The following TP53BP1 variants were observed in gnomAD, a reference collection of about 807,000 sequenced individuals.
TP53BP1 encodes the protein TP53-binding protein 1.
TP53BP1 carries 61 observed loss-of-function variants against 200.8 expected under a neutral mutation model. That is an observed-to-expected ratio of 0.30 (90% CI 0.25 to 0.38). TP53BP1 has a LOEUF of 0.38. Among genes scored for constraint, TP53BP1 ranks in the 10% least tolerant of loss-of-function variants. The probability of loss-of-function intolerance (pLI) is 1.00; values close to 1 mark genes in which losing one functional copy is unlikely to be tolerated. For missense variants in TP53BP1, 2,144 were observed against 2,371.9 expected, an observed-to-expected ratio of 0.90 and a Z score of 2.00; for synonymous variants, 822 against 844.3, an observed-to-expected ratio of 0.97 and a Z score of 0.46.
intron 7 of TP53BP1, among the ~76,000 whole-genome samples, 198 bp downstream of exon 7, chr15:43,479,199 C>G (rs2078926647): frequency 6.6e-6 from 1 of 152,112 alleles, no homozygotes; most frequent in South Asian, 2.1e-4. Context: ...TTCAAACAGA[C>G]AGACAGACAG....
Position 43,406,447 on chromosome 15 carries a change from G to A in TP53BP1, c.*936C>T, listed in dbSNP as rs2044883198. 2.8e-6 allele frequency: 1 copy of A among 352,324 alleles called. No homozygotes were observed. Among genetic ancestry groups the A allele is most frequent in the Non-Finnish European group, 5.6e-6 (1 of 177,518 alleles). The allele number at this position is 352,324 out of a possible 1,614,324, so 21.8% of individuals were successfully genotyped here. ...AGGAGCTGGCAAACTATGGCCTGCT[G>A]TCTGTTTTTGTACAGTTTTACTGAA... On this transcript the variant is annotated 3_prime_UTR_variant, in exon 28 of 28. Coordinates refer to ENST00000382044, the MANE Select transcript of TP53BP1 (RefSeq NM_001141980.3).
upstream of TP53BP1, among the ~76,000 whole-genome samples, chr15:43,496,037 A>T (rs1380807516): frequency 6.6e-6 from 1 of 152,022 alleles, no homozygotes; most frequent in Non-Finnish European, 1.5e-5. Context: ...GCCTTTATTG[A>T]CTCCTAGACT....
intron 11 of TP53BP1, among the ~76,000 whole-genome samples, chr15:43,463,821 A>G (rs1488887563): frequency 6.6e-6 from 1 of 152,256 alleles, no homozygotes; most frequent in South Asian, 2.1e-4. Flanking sequence ...GGCAGACAAG[A>G]GGCACAGTTA....
At chr15:43,413,368 T>A in intron 23 of TP53BP1, 34 bp from the exon 24 acceptor site, 1 of 1,577,792 alleles carries the variant, frequency 6.3e-7, no homozygotes, top group Non-Finnish European at 8.7e-7. Flanking sequence ...ACTAGAGGGA[T>A]ACACACCATT....
intron 1 of TP53BP1, among the ~76,000 whole-genome samples, chr15:43,502,882 A>G (rs991245673): frequency 1.3e-5 from 2 of 151,854 alleles, no homozygotes; most frequent in Non-Finnish European, 2.9e-5. Flanking sequence ...CCTCCCAAGT[A>G]GCTGGGATTA....
At chr15:43,482,469 C>T (rs766081680) in intron 4 of TP53BP1, among the ~76,000 whole-genome samples, 1 of 151,316 alleles carries the variant, frequency 6.6e-6, no homozygotes, top group Non-Finnish European at 1.5e-5. Context: ...CCCGTCTCTA[C>T]TAAAAATACA....
Position 43,469,962 on chromosome 15 carries a change from G to A in TP53BP1, c.1285C>T (p.Pro429Ser). 6.2e-7 allele frequency: 1 copy of A among 1,614,012 alleles called. No individual in the cohort carries two copies. Among genetic ancestry groups the A allele is most frequent in the African/African-American group, 1.3e-5 (1 of 75,038 alleles). Residue 429 changes from proline (P) to serine (S), a missense_variant, in exon 11 of 28, where the codon CCT becomes TCT. Transcript: ENST00000382044. ...GCTTGTGGTGATACAGTGGACTCAG[G>A]CAGGAGAGGGGGGTTTTCTAACTCC... ...PVELENPPLL[P>S]ESTVSPQAST...
chr15:43,430,958 G>A (rs2045654638), intron 17 of TP53BP1, among the ~76,000 whole-genome samples: 1 of 151,924 alleles, frequency 6.6e-6, no homozygotes, highest in African/African-American at 2.4e-5. Context: ...TATTCAGATT[G>A]CCGGCATCAC....
intron 4 of TP53BP1, among the ~76,000 whole-genome samples, chr15:43,481,976 C>T (rs2078976000): frequency 6.6e-6 from 1 of 152,042 alleles, no homozygotes; most frequent in South Asian, 2.1e-4. Context: ...GCCTGTAATC[C>T]CAGCACTTTG....
chr15:43,448,905 T>A (rs1380401201), intron 12 of TP53BP1, among the ~76,000 whole-genome samples: 1 of 152,036 alleles, frequency 6.6e-6, no homozygotes, highest in African/African-American at 2.4e-5. Flanking sequence ...GGCGGATGGA[T>A]CACTTGAGGT....
chr15:43,502,845 T>A (rs1360354734), intron 1 of TP53BP1, among the ~76,000 whole-genome samples: 1 of 151,836 alleles, frequency 6.6e-6, no homozygotes, highest in African/African-American at 2.4e-5. Flanking sequence ...AACCTCTGTC[T>A]CCCGGGTTCA....
intron 18 of TP53BP1, among the ~76,000 whole-genome samples, chr15:43,424,301 A>C (rs558151430): frequency 2.0e-5 from 3 of 151,382 alleles, no homozygotes; most frequent in Admixed American, 2.0e-4. Context: ...ACTTTCTTAA[A>C]ACTATCTTCA....
In TP53BP1 at chr15:43,415,633, G is replaced by A. The variant is rs146594310; in HGVS notation, c.5050C>T (p.Pro1684Ser). 14 of 1,614,090 alleles carry A rather than the reference G, an allele frequency of 8.7e-6. No individual in the cohort carries two copies. Among genetic ancestry groups the A allele is most frequent in the Non-Finnish European group, 1.2e-5 (14 of 1,180,046 alleles). The change falls in exon 23 of 28, where the codon CCT becomes TCT. Residue 1684 changes from proline to serine, a missense_variant. Pro to Ser is a moderately conservative substitution (Grantham distance 74). Around this residue, in one of 4 missense-constraint regions of TP53BP1, gnomAD observed 334 missense variants for 453.4 expected, o/e 0.74. Transcript: ENST00000382044. Reference sequence around the variant, plus strand: ...GCAGACTTGCGACCTCGCTTGGCAGGGGACCGTTCCTCTTCAGAAGTGATA... The same window carrying A: ...GCAGACTTGCGACCTCGCTTGGCAGAGGACCGTTCCTCTTCAGAAGTGATA... ...KLITSEEERS[P>S]AKRGRKSATV...
chr15:43,493,712 ATTTG>A (rs1414620833), upstream of TP53BP1, among the ~76,000 whole-genome samples: 2 of 151,926 alleles, frequency 1.3e-5, no homozygotes, highest in African/African-American at 2.4e-5. Context: ...CGTTTTTAGT[ATTTG>A]TTTGTTTTTA....
At chr15:43,431,482 T>G (rs2142997790) in intron 17 of TP53BP1, among the ~76,000 whole-genome samples, 1 of 152,216 alleles carries the variant, frequency 6.6e-6, no homozygotes, top group African/African-American at 2.4e-5. Context: ...TGGGCTCAAG[T>G]AATCCTCCCA....
chr15:43,415,754 G>A lies in TP53BP1; in HGVS notation c.4929C>T (p.Thr1643=), dbSNP rs1383732094. ...TGCTGCTGCTACTGGAGGCAGTAGG[G>A]GTGGCTGGGGAGCTGACGTTACTGC... ...KRRSNVSSPA[T]PTASSSSSTT... is the part of the protein sequence containing the mutation. Residue 1643 remains threonine (T), a synonymous_variant, in exon 23 of 28, where the codon ACC becomes ACT. Transcript: ENST00000382044. The A allele has an allele frequency of 3.1e-6, 5 of 1,614,002 alleles. No individual in the cohort carries two copies. The highest frequency in any genetic ancestry group is 4.2e-6 in the Non-Finnish European group (5 of 1,180,026).
chr15:43,499,034 A>C (rs1196223509), intron 1 of TP53BP1, among the ~76,000 whole-genome samples: 2 of 151,804 alleles, frequency 1.3e-5, no homozygotes, highest in Non-Finnish European at 2.9e-5. Context: ...AAAAAAAAAC[A>C]AAACAAACCA....
At chr15:43,412,085 A>G (rs1256807832) in intron 24 of TP53BP1, among the ~76,000 whole-genome samples, 3 of 152,182 alleles carry the variant, frequency 2.0e-5, no homozygotes. Flanking sequence ...TGTTGCAAAC[A>G]CTGGACCTTG....
rs564816175 is a variant in TP53BP1, at chr15:43,415,038, A to G, written c.5089+556T>C. 2.0e-5 allele frequency among the ~76,000 whole-genome samples: 3 copies of G among 152,150 alleles called. No individual in the cohort carries two copies. In the South Asian group the frequency reaches 6.2e-4, roughly 32 times the overall value. ...TCAATAGGAAGTCTGAGAAAGCTAG[A>G]GGGCCTAAGCACAAGAGAGAGGGGA... On this transcript the variant is annotated intron_variant, in intron 23 of 27. Coordinates refer to ENST00000382044, the MANE Select transcript of TP53BP1 (RefSeq NM_001141980.3).
Sources: allele counts gnomAD v4.1 joint callset (sites outside exome capture counted in the v4.1 genomes callset), GRCh38; gene constraint gnomAD v4.1.1; regional missense constraint gnomAD v4.1.1; transcripts MANE v1.5; gene names NCBI Gene and HGNC (gene_info 2026-07-23, HGNC 2026-07-21).